ACSM3: variants seen among roughly 807,000 people sequenced by gnomAD.
ACSM3 encodes the protein acyl-CoA synthetase medium chain family member 3.
ACSM3 carries 61 observed loss-of-function variants against 74.1 expected under a neutral mutation model. The ratio of observed to expected loss-of-function variants is 0.82; its 90% CI spans 0.67 to 1.02. ACSM3 has a LOEUF of 1.02. Ranked by LOEUF, ACSM3 falls within the 50% of genes least tolerant of loss-of-function variation. The pLI is 0.00. For missense variants in ACSM3, 660 were observed against 697.0 expected (o/e 0.95, Z 0.60); for synonymous variants, 213 against 241.5 (o/e 0.88, Z 1.09).
intron 1 of ACSM3, chr16:20,733,596 T>C (rs2079844226): frequency 6.6e-6 from 1 of 151,912 alleles, no homozygotes; most frequent in African/African-American, 2.4e-5. Context: ...TATTTTATGA[T>C]ATATATATAC....
At chr16:20,678,602 T>C (rs895216425) in intron 1 of ACSM3, among the ~76,000 whole-genome samples, 2 of 152,216 alleles carry the variant, frequency 1.3e-5, no homozygotes, top group African/African-American at 4.8e-5. Flanking sequence ...GACCAAAGTG[T>C]TGTTAAAAGA....
chr16:20,780,164 T>C (rs140659228), intron 4 of ACSM3: 1 of 173,932 alleles, frequency 5.7e-6, no homozygotes, highest in African/African-American at 2.4e-5. Flanking sequence ...GCCACTGTAG[T>C]GTGAAAGCAA....
chr16:20,792,152 CAT>C, intron 11 of ACSM3, 23 bp downstream of exon 11: 1 of 1,614,066 alleles, frequency 6.2e-7, no homozygotes, highest in South Asian at 1.1e-5. Context: ...TCCATATGTG[CAT>C]ATGTCTGTGT....
intron 1 of ACSM3, among the ~76,000 whole-genome samples, chr16:20,723,888 G>T (rs1455108912): frequency 6.6e-6 from 1 of 152,178 alleles, no homozygotes; most frequent in African/African-American, 2.4e-5. Context: ...AGTTTAATTA[G>T]ATCCCATTTG....
At chr16:20,741,481 G>GGGGGGGGGGGGGCGCGCCCC in intron 1 of ACSM3, 1 of 1,308,414 alleles carries the variant, frequency 7.6e-7, no homozygotes, top group Non-Finnish European at 9.9e-7. Flanking sequence ...CTGGCAGCCG[G>GGGGGGGGGGGGGCGCGCCCC]CCCGCCCGCC....
chr16:20,691,281 C>T, intron 1 of ACSM3: 3 of 1,098,170 alleles, frequency 2.7e-6, no homozygotes, highest in Non-Finnish European at 3.8e-6. Context: ...GTATCCAAAA[C>T]TTTCTCCCTA....
chr16:20,712,838 G>C (rs1325467326), intron 1 of ACSM3, among the ~76,000 whole-genome samples: 1 of 151,586 alleles, frequency 6.6e-6, no homozygotes, highest in Non-Finnish European at 1.5e-5. Context: ...TCTTGAACCT[G>C]GGCAGTGGAG....
chr16:20,753,320 C>T (rs1484530357), intron 2 of ACSM3, among the ~76,000 whole-genome samples: 1 of 151,682 alleles, frequency 6.6e-6, no homozygotes, highest in Non-Finnish European at 1.5e-5. Flanking sequence ...AAAAATTAGC[C>T]AGGCATGGTG....
intron 1 of ACSM3, among the ~76,000 whole-genome samples, chr16:20,725,976 A>C (rs2079804205): frequency 6.7e-6 from 1 of 149,586 alleles, no homozygotes; most frequent in South Asian, 2.1e-4. Context: ...TCCATTTCCA[A>C]AAAAAAAAAG....
rs755776881 is a variant in ACSM3 at position 20,781,104 on chromosome 16, C to T, written c.913C>T (p.Arg305Cys). 23 of 1,613,822 alleles carry T rather than the reference C, an allele frequency of 1.4e-5. 1 individual carries two copies. The highest frequency in any genetic ancestry group is 3.3e-4 in the Middle Eastern group (2 of 6,082). The change falls in exon 6 of 14, where the codon CGT (arginine) becomes TGT (cysteine). Residue 305 changes from arginine (R) to cysteine (C), a missense_variant. Transcript: ENST00000289416. ...ATGTGTATTCACACACCATTTACCC[C>T]GTTTTGAGCCGACTTCTATCTTGCA... is the stretch of plus-strand genomic sequence containing the variant. ...GACVFTHHLP[R>C]FEPTSILQTL...
intron 1 of ACSM3, chr16:20,727,431 C>A: frequency 1.9e-6 from 1 of 532,228 alleles, no homozygotes; most frequent in South Asian, 1.4e-5. Flanking sequence ...ACAAACTGGG[C>A]TGGAGCTACA....
intron 1 of ACSM3, chr16:20,727,204 A>G (rs369094696): frequency 5.3e-5 from 19 of 361,608 alleles, no homozygotes; most frequent in South Asian, 2.9e-4. Flanking sequence ...GTAGGTGTTC[A>G]ACAAGTTTTT....
At chr16:20,732,109 A>C (rs896005162) in intron 1 of ACSM3, among the ~76,000 whole-genome samples, 1 of 152,192 alleles carries the variant, frequency 6.6e-6, no homozygotes, top group Non-Finnish European at 1.5e-5. Flanking sequence ...ACATACCTGT[A>C]TGTATCAAGG....
intron 1 of ACSM3, among the ~76,000 whole-genome samples, chr16:20,726,287 A>G (rs1261401424): frequency 1.3e-5 from 2 of 152,254 alleles, no homozygotes; most frequent in Non-Finnish European, 2.9e-5. Context: ...GTAGAGTTAC[A>G]ATGTATATTT....
chr16:20,788,232 T>C (rs1272120633), intron 9 of ACSM3, among the ~76,000 whole-genome samples: 1 of 152,198 alleles, frequency 6.6e-6, no homozygotes, highest in Non-Finnish European at 1.5e-5. Flanking sequence ...AAAGAAATAT[T>C]GATAATTAAG....
chr16:20,776,944 G>T (rs542889418), intron 3 of ACSM3, among the ~76,000 whole-genome samples: 1 of 152,330 alleles, frequency 6.6e-6, no homozygotes, highest in Non-Finnish European at 1.5e-5. Flanking sequence ...AGGCTACAGG[G>T]TTCAATCCCT....
intron 1 of ACSM3, chr16:20,736,741 A>C: frequency 1.2e-6 from 1 of 835,428 alleles, no homozygotes; most frequent in Non-Finnish European, 1.8e-6. Context: ...GGGCTGCGCA[A>C]TCATTGCTCA....
At chr16:20,753,148 AC>A (rs938165351) in intron 2 of ACSM3, among the ~76,000 whole-genome samples, 1 of 152,012 alleles carries the variant, frequency 6.6e-6, no homozygotes. Flanking sequence ...AAAAAAAAAA[AC>A]AAATGTAAAA....
chr16:20,682,033 G>A, intron 1 of ACSM3: 1 of 477,828 alleles, frequency 2.1e-6, no homozygotes, highest in East Asian at 3.6e-5. Context: ...TCTCACTTCT[G>A]TAGTAAGCTT....
Sources: gnomAD v4.1 joint callset for allele counts (sites outside exome capture counted in the v4.1 genomes callset) on GRCh38, gnomAD v4.1.1 for gene constraint, MANE v1.5 for transcripts, NCBI Gene and HGNC (gene_info 2026-07-23, HGNC 2026-07-21) for gene names.